The following FRMD4A variants were observed in gnomAD, a reference collection of about 807,000 sequenced individuals.
FRMD4A encodes FERM domain containing 4A.
In FRMD4A, 29 loss-of-function variants were observed where a neutral mutation model predicts 129.1. The ratio of observed to expected loss-of-function variants is 0.22; its 90% CI spans 0.17 to 0.31. The LOEUF (loss-of-function observed/expected upper bound fraction) is 0.31, where lower values mean the gene tolerates loss of function less well. Among genes scored for constraint, FRMD4A ranks in the 10% least tolerant of loss-of-function variants. The pLI is 1.00. For synonymous variants in FRMD4A, 634 were observed against 571.6 expected (o/e 1.11, Z -1.56); for missense variants, 1,272 against 1,375.8 (o/e 0.92, Z 1.19).
At chr10:13,928,015 CCTTT>C (rs1304694447) in intron 2 of FRMD4A, among the ~76,000 whole-genome samples, 9 of 101,878 alleles carry the variant, frequency 8.8e-5, no homozygotes, top group South Asian at 4.1e-4. Context: ...ACTTAACATA[CCTTT>C]TTTTTTTTTT....
chr10:13,647,123 A>T (rs1162831724), intron 24 of FRMD4A, 88 bp from the exon 25 acceptor site: 1 of 177,092 alleles, frequency 5.6e-6, no homozygotes, highest in Non-Finnish European at 1.1e-5. Context: ...GGATATGTTC[A>T]CCTTGACAGG....
chr10:13,804,556 T>TTCCTTCTTTCTTTCTTTCCTTCTTTC (rs757466191), intron 4 of FRMD4A, among the ~76,000 whole-genome samples: 1 of 151,860 alleles, frequency 6.6e-6, no homozygotes. Context: ...TATTTCTTTT[T>TTCCTTCTTTCTTTCTTTCCTTCTTTC]TTTGTTGAGA....
At chr10:13,975,835 G>A (rs558839127) in intron 2 of FRMD4A, among the ~76,000 whole-genome samples, 1 of 152,334 alleles carries the variant, frequency 6.6e-6, no homozygotes, top group South Asian at 2.1e-4. Flanking sequence ...CAGACCTCCT[G>A]CACACTGTGA....
intron 2 of FRMD4A, among the ~76,000 whole-genome samples, chr10:13,957,167 G>A (rs963055490): frequency 1.3e-5 from 2 of 152,222 alleles, no homozygotes; most frequent in African/African-American, 2.4e-5. Context: ...AGGCAAAGCC[G>A]GCCTTGAAGC....
chr10:13,680,738 T>TA (rs930350895), intron 15 of FRMD4A, among the ~76,000 whole-genome samples: 216 of 150,994 alleles, frequency 1.4e-3, no homozygotes, highest in Admixed American at 3.4e-3. Flanking sequence ...AAAAAAAATT[T>TA]AAAAAAAAGT....
chr10:14,265,794 G>T (rs1844956896), intron 2 of FRMD4A, among the ~76,000 whole-genome samples: 1 of 152,166 alleles, frequency 6.6e-6, no homozygotes, highest in South Asian at 2.1e-4. Flanking sequence ...AGAAGGGTCG[G>T]GAATGTGACT....
chr10:14,076,393 C>T (rs1362533366), intron 2 of FRMD4A, among the ~76,000 whole-genome samples: 1 of 152,118 alleles, frequency 6.6e-6, no homozygotes, highest in African/African-American at 2.4e-5. Context: ...GTAATCCCAG[C>T]ACTTTGGGGG....
At chr10:13,797,658 AC>A (rs993246200) in intron 4 of FRMD4A, among the ~76,000 whole-genome samples, 42 of 152,290 alleles carry the variant, frequency 2.8e-4, no homozygotes, top group African/African-American at 9.4e-4. Flanking sequence ...CCTGGAGAAG[AC>A]AGTCCTATAA....
At chr10:14,163,439 G>A (rs950213447) in intron 2 of FRMD4A, among the ~76,000 whole-genome samples, 2 of 152,188 alleles carry the variant, frequency 1.3e-5, no homozygotes, top group Non-Finnish European at 2.9e-5. Flanking sequence ...TGAAAAGTAC[G>A]CAGCTTTGGA....
intron 2 of FRMD4A, among the ~76,000 whole-genome samples, chr10:14,140,247 G>C (rs894192107): frequency 6.6e-6 from 1 of 152,122 alleles, no homozygotes; most frequent in Non-Finnish European, 1.5e-5. Flanking sequence ...TTTTTTAGCA[G>C]AGATGGGGTT....
intron 15 of FRMD4A, among the ~76,000 whole-genome samples, chr10:13,690,389 G>A (rs1287988896): frequency 6.6e-6 from 1 of 152,212 alleles, no homozygotes; most frequent in Non-Finnish European, 1.5e-5. Flanking sequence ...CTGGTGCAAG[G>A]AAACACAGGC....
chr10:14,084,484 A>G (rs1327321712), intron 2 of FRMD4A, among the ~76,000 whole-genome samples: 3 of 152,168 alleles, frequency 2.0e-5, no homozygotes, highest in East Asian at 1.9e-4. Context: ...TGTACTAAGT[A>G]TATTTTAAAT....
chr10:14,074,796 G>A (rs1307901448), intron 2 of FRMD4A: 1 of 152,162 alleles, frequency 6.6e-6, no homozygotes, highest in Admixed American at 6.5e-5. Flanking sequence ...ACTCATACAG[G>A]ACAGGAGGGA....
intron 12 of FRMD4A, among the ~76,000 whole-genome samples, chr10:13,714,876 A>G (rs2088622168): frequency 6.6e-6 from 1 of 151,662 alleles, no homozygotes; most frequent in Non-Finnish European, 1.5e-5. Context: ...TGTCTCTACT[A>G]AAAATACAAA....
intron 12 of FRMD4A, among the ~76,000 whole-genome samples, chr10:13,713,405 T>C (rs1044866735): frequency 6.6e-6 from 1 of 152,186 alleles, no homozygotes; most frequent in Admixed American, 6.5e-5. Flanking sequence ...TCTGAGTCTC[T>C]ATATAAGAAG....
chr10:14,094,587 G>A (rs1294131029), intron 2 of FRMD4A, among the ~76,000 whole-genome samples: 1 of 152,052 alleles, frequency 6.6e-6, no homozygotes, highest in Non-Finnish European at 1.5e-5. Context: ...GGTGGGCATG[G>A]TACTGATTCA....
chr10:13,955,938 G>A (rs968701565), intron 2 of FRMD4A, among the ~76,000 whole-genome samples: 1 of 152,116 alleles, frequency 6.6e-6, no homozygotes, highest in African/African-American at 2.4e-5. Context: ...GCTTGAAATC[G>A]GTTATGCATG....
Position 13,785,915 on chromosome 10 carries a change from T to C in FRMD4A, c.300-2909A>G, listed in dbSNP as rs563927734. Among the ~76,000 whole-genome samples the C allele has an allele frequency of 2.3e-4, 35 of 152,364 alleles. 3 individuals carry two copies. Among genetic ancestry groups the C allele is most frequent in the African/African-American group, 8.4e-4 (35 of 41,588 alleles). The stretch of plus-strand genomic sequence containing the variant: ...TGACAGTTTGCTCAGAATGATGGTT[T>C]CCAGCTTCATCCATGTCCCTACAAA... On this transcript the variant is annotated intron_variant, in intron 5 of 24. Transcript: ENST00000357447.
At chr10:13,902,762 C>T (rs2094835395) in intron 2 of FRMD4A, among the ~76,000 whole-genome samples, 1 of 151,526 alleles carries the variant, frequency 6.6e-6, no homozygotes, top group Non-Finnish European at 1.5e-5. Context: ...ACTGCTTGAA[C>T]CCGGGAGGTG....
Sources: allele counts gnomAD v4.1 joint callset (sites outside exome capture counted in the v4.1 genomes callset), GRCh38; gene constraint gnomAD v4.1.1; transcripts MANE v1.5; gene names NCBI Gene and HGNC (gene_info 2026-07-23, HGNC 2026-07-21).